PPP6R3: variants seen among roughly 807,000 people sequenced by gnomAD.
The protein encoded by PPP6R3 is serine/threonine-protein phosphatase 6 regulatory subunit 3.
PPP6R3 carries 38 observed loss-of-function variants against 110.7 expected under a neutral mutation model. The ratio of observed to expected loss-of-function variants is 0.34; its 90% CI spans 0.26 to 0.45. The LOEUF is 0.45. Ranked by LOEUF, PPP6R3 falls within the 20% of genes least tolerant of loss-of-function variation. PPP6R3 has a pLI of 1.00. For missense variants in PPP6R3, 870 were observed against 1,062.4 expected, an observed-to-expected ratio of 0.82 and a Z score of 2.52; for synonymous variants, 369 against 373.5, an observed-to-expected ratio of 0.99 and a Z score of 0.14.
intron 1 of PPP6R3, among the ~76,000 whole-genome samples, chr11:68,469,975 A>T (rs1017838948): frequency 1.3e-5 from 2 of 152,116 alleles, no homozygotes; most frequent in Non-Finnish European, 2.9e-5. Flanking sequence ...CCTTTAGACA[A>T]TGTAAATGGA....
At chr11:68,596,245 C>T in intron 19 of PPP6R3, 27 bp downstream of exon 19, 1 of 1,613,874 alleles carries the variant, frequency 6.2e-7, no homozygotes, top group South Asian at 1.1e-5. Context: ...TTCAGATCAG[C>T]TGCCCTGTGT....
intron 14 of PPP6R3, among the ~76,000 whole-genome samples, chr11:68,581,997 CA>C (rs1381728491): frequency 6.6e-6 from 1 of 152,188 alleles, no homozygotes; most frequent in African/African-American, 2.4e-5. Flanking sequence ...CAGAATTTTA[CA>C]AGACATACCC....
In PPP6R3 at chr11:68,546,403, C is replaced by G. The variant is rs546854854; in HGVS notation, c.414+1379C>G. ...CTGTTGGAATCCAAGTTGGCGAGCC[C>G]CGATTTTCAGTGTACACATAAAGAG... On this transcript the variant is annotated intron_variant, in intron 4 of 23. Coordinates refer to ENST00000393800, the MANE Select transcript of PPP6R3 (RefSeq NM_001164161.2). Among the ~76,000 whole-genome samples, 6 of 152,236 alleles carry G rather than the reference C, an allele frequency of 3.9e-5. No homozygotes were observed. In the South Asian group the frequency reaches 1.2e-3, roughly 32 times the overall value.
At chr11:68,531,766 C>T (rs2099242182) in intron 2 of PPP6R3, among the ~76,000 whole-genome samples, 1 of 152,118 alleles carries the variant, frequency 6.6e-6, no homozygotes. Flanking sequence ...GCGGATCTTT[C>T]TTATTGACTC....
At chr11:68,485,630 T>C (rs1184220972) in intron 1 of PPP6R3, among the ~76,000 whole-genome samples, 1 of 152,226 alleles carries the variant, frequency 6.6e-6, no homozygotes. Context: ...TCTGCATCTG[T>C]TGATGTGATC....
chr11:68,563,857 A>G (rs534452307), intron 8 of PPP6R3, among the ~76,000 whole-genome samples: 1 of 152,316 alleles, frequency 6.6e-6, no homozygotes, highest in East Asian at 1.9e-4. Flanking sequence ...ATAATTTTAA[A>G]CCTTTTAAAT....
intron 14 of PPP6R3, among the ~76,000 whole-genome samples, chr11:68,577,144 G>A (rs751437910): frequency 1.8e-4 from 28 of 152,206 alleles, no homozygotes; most frequent in African/African-American, 6.8e-4. Context: ...CTAATAGCCC[G>A]AGTGTCTCTG....
intron 23 of PPP6R3, chr11:68,612,817 C>G (rs916464788): frequency 1.6e-6 from 1 of 642,954 alleles, no homozygotes; most frequent in Non-Finnish European, 2.5e-6. Context: ...GGGCGGTTCT[C>G]CCAGAGCATT....
intron 7 of PPP6R3, among the ~76,000 whole-genome samples, chr11:68,556,810 C>G (rs544172381): frequency 6.6e-6 from 1 of 152,276 alleles, no homozygotes; most frequent in Admixed American, 6.5e-5. Context: ...GTGATACTTG[C>G]GTGTTTAGGT....
intron 2 of PPP6R3, among the ~76,000 whole-genome samples, chr11:68,527,394 T>G (rs1434228676): frequency 6.6e-6 from 1 of 152,206 alleles, no homozygotes; most frequent in African/African-American, 2.4e-5. Flanking sequence ...GTGTCTGTCT[T>G]AGCACCGTGA....
chr11:68,478,156 G>A (rs2098849464), intron 1 of PPP6R3, among the ~76,000 whole-genome samples: 1 of 151,894 alleles, frequency 6.6e-6, no homozygotes, highest in African/African-American at 2.4e-5. Context: ...TACCATGTTG[G>A]CCAGGCTGGT....
In PPP6R3 at chr11:68,614,589, C is replaced by T. The variant is rs117902029; in HGVS notation, c.*1472C>T. 433 of 1,502,204 alleles carry T rather than the reference C, an allele frequency of 2.9e-4. 1 individual carries two copies. The highest frequency in any genetic ancestry group is 4.6e-4 in the Middle Eastern group (2 of 4,304). 93.1% of individuals were successfully genotyped at this position (1,502,204 alleles called of 1,614,324 possible). ...TGCATATGGAAATAAAAGAATCAAACGTCTAATGCCTTATTATTTCTGATT... is the reference window on the plus strand; with the variant it reads ...TGCATATGGAAATAAAAGAATCAAATGTCTAATGCCTTATTATTTCTGATT... On this transcript the variant is annotated 3_prime_UTR_variant, in exon 24 of 24. Transcript: ENST00000393800.
At chr11:68,583,366 C>T (rs1177377566) in intron 15 of PPP6R3, among the ~76,000 whole-genome samples, 1 of 152,186 alleles carries the variant, frequency 6.6e-6, no homozygotes, top group Non-Finnish European at 1.5e-5. Flanking sequence ...AGTACATTTT[C>T]AGAAGATTTG....
chr11:68,611,649 G>T (rs535908809), intron 23 of PPP6R3, among the ~76,000 whole-genome samples: 1 of 152,258 alleles, frequency 6.6e-6, no homozygotes, highest in African/African-American at 2.4e-5. Flanking sequence ...CGGACACCCA[G>T]TGGTCTCGGG....
At chr11:68,566,356 CCTT>C (rs746861055) in intron 9 of PPP6R3, among the ~76,000 whole-genome samples, 19 of 151,548 alleles carry the variant, frequency 1.3e-4, no homozygotes, top group Non-Finnish European at 1.9e-4. Context: ...CTTTTTTCTT[CCTT>C]CTTCCTTTTT....
intron 2 of PPP6R3, among the ~76,000 whole-genome samples, chr11:68,534,954 T>C (rs1241286756): frequency 1.3e-5 from 2 of 152,208 alleles, no homozygotes; most frequent in Non-Finnish European, 2.9e-5. Context: ...TGGTATACTT[T>C]TGTCTTTTTT....
At chr11:68,528,019 G>GAGC (rs1374582514) in intron 2 of PPP6R3, among the ~76,000 whole-genome samples, 1 of 152,120 alleles carries the variant, frequency 6.6e-6, no homozygotes, top group Non-Finnish European at 1.5e-5. Flanking sequence ...GTCCTCCCTT[G>GAGC]AGCTACCTTT....
At chr11:68,484,774 A>G (rs560891589) in intron 1 of PPP6R3, among the ~76,000 whole-genome samples, 22 of 152,136 alleles carry the variant, frequency 1.4e-4, no homozygotes, top group Admixed American at 7.2e-4. Flanking sequence ...TTTAGTAGAG[A>G]TGGGGTTTCA....
At chr11:68,543,666 C>T (rs569179273) in intron 3 of PPP6R3, among the ~76,000 whole-genome samples, 1 of 152,304 alleles carries the variant, frequency 6.6e-6, no homozygotes, top group South Asian at 2.1e-4. Context: ...GCTATTTTGC[C>T]ATCTCTCTGT....
Sources: allele counts gnomAD v4.1 joint callset (sites outside exome capture counted in the v4.1 genomes callset), GRCh38; gene constraint gnomAD v4.1.1; transcripts MANE v1.5; gene names NCBI Gene and HGNC (gene_info 2026-07-23, HGNC 2026-07-21).